BTG4: variants seen among roughly 807,000 people sequenced by gnomAD.
The protein encoded by BTG4 is BTG anti-proliferation factor 4, also known as protein BTG4.
Under a neutral mutation model 19.3 loss-of-function variants are expected in BTG4, and 10 were observed. The observed-to-expected ratio is 0.52, with a 90% confidence interval of 0.32 to 0.88. The LOEUF (loss-of-function observed/expected upper bound fraction) is 0.88, where lower values mean the gene tolerates loss of function less well. BTG4 is among the 40% of genes least tolerant of loss of function. BTG4 has a pLI of 0.04. For missense variants in BTG4, 238 were observed against 281.9 expected (o/e 0.84, Z 1.11); for synonymous variants, 91 against 95.7 (o/e 0.95, Z 0.29).
In BTG4 at chr11:111,480,044, C is replaced by T. The variant is rs139104436; in HGVS notation, c.663-12363G>A. On this transcript the variant is annotated intron_variant, in intron 5 of 5. Transcript: ENST00000356018. ...TAGTCTAGAAACACCAGTTAAGAGA[C>T]AGAAATTGGTAGAGTGAACTAAAAA... 5.2e-3 allele frequency among the ~76,000 whole-genome samples: 786 copies of T among 152,052 alleles called. 7 individuals are homozygous for T. Among genetic ancestry groups the T allele is most frequent in the Middle Eastern group, 0.017 (5 of 294 alleles).
chr11:111,406,866 G>A, the BTG4 span, among the ~76,000 whole-genome samples: 1 of 152,286 alleles, frequency 6.6e-6, no homozygotes, highest in South Asian at 2.1e-4. Flanking sequence ...CAGCCCAGGG[G>A]TGGGTAGCAA....
At chr11:111,493,650 G>A (rs1012907718), downstream of BTG4, among the ~76,000 whole-genome samples, 1 of 152,132 alleles carries the variant, frequency 6.6e-6, no homozygotes, top group South Asian at 2.1e-4. Flanking sequence ...GTTGCCTTGA[G>A]AGAAATCTAG....
chr11:111,427,856 A>C, the BTG4 span, among the ~76,000 whole-genome samples: 2 of 152,174 alleles, frequency 1.3e-5, no homozygotes, highest in East Asian at 3.8e-4. Context: ...GGTTGACTTC[A>C]TAGAATATGA....
At chr11:111,439,462 C>T in the BTG4 span, among the ~76,000 whole-genome samples, 1 of 151,992 alleles carries the variant, frequency 6.6e-6, no homozygotes, top group Non-Finnish European at 1.5e-5. Flanking sequence ...ACTGCTACAA[C>T]CCTTGGCCAG....
the BTG4 span, among the ~76,000 whole-genome samples, chr11:111,452,895 T>C: frequency 0.12 from 17,533 of 152,076 alleles, 1,066 homozygotes; most frequent in Middle Eastern, 0.18. Context: ...ATTAATATAA[T>C]GTGGTCCCTG....
chr11:111,393,023 G>A, the BTG4 span, among the ~76,000 whole-genome samples: 1 of 152,182 alleles, frequency 6.6e-6, no homozygotes, highest in South Asian at 2.1e-4. Context: ...AGAGAGGAGT[G>A]AGAATATGCC....
chr11:111,453,611 G>C, the BTG4 span: 1 of 432,272 alleles, frequency 2.3e-6, no homozygotes, highest in East Asian at 7.2e-5. Context: ...TAGAATCCCA[G>C]AGGCACCCCC....
At chr11:111,494,588 GTCA>G (rs1446556262), downstream of BTG4, among the ~76,000 whole-genome samples, 1 of 152,148 alleles carries the variant, frequency 6.6e-6, no homozygotes, top group Non-Finnish European at 1.5e-5. Flanking sequence ...GGACTGCAGA[GTCA>G]TCAACTTTCC....
the BTG4 span, among the ~76,000 whole-genome samples, chr11:111,399,923 G>A: frequency 6.6e-6 from 1 of 152,094 alleles, no homozygotes; most frequent in African/African-American, 2.4e-5. Flanking sequence ...GGGTATTTGC[G>A]ATCCTGCATC....
chr11:111,445,469 G>C, the BTG4 span, among the ~76,000 whole-genome samples: 4 of 152,030 alleles, frequency 2.6e-5, no homozygotes, highest in East Asian at 7.7e-4. Context: ...ATCTTTCATC[G>C]TGCCCTCCTT....
the BTG4 span, among the ~76,000 whole-genome samples, chr11:111,450,149 G>C: frequency 1.3e-5 from 2 of 152,172 alleles, no homozygotes; most frequent in African/African-American, 4.8e-5. Context: ...CTGTCCAAGA[G>C]GTCATGACTC....
the BTG4 span, chr11:111,458,023 A>G: frequency 1.3e-5 from 2 of 152,742 alleles, no homozygotes; most frequent in African/African-American, 4.8e-5. Context: ...CCAATGTGCT[A>G]GTGGCCCAGA....
chr11:111,453,871 A>G, the BTG4 span, among the ~76,000 whole-genome samples: 4 of 152,342 alleles, frequency 2.6e-5, no homozygotes, highest in South Asian at 8.3e-4. Flanking sequence ...TACTATCTAG[A>G]GGAGCAAGTT....
the BTG4 span, chr11:111,396,992 C>T: frequency 1.3e-5 from 2 of 152,206 alleles, no homozygotes; most frequent in African/African-American, 4.8e-5. Flanking sequence ...AACATATAAA[C>T]TCTGAAGAGA....
At chr11:111,493,786 G>A (rs1046417681), downstream of BTG4, among the ~76,000 whole-genome samples, 1 of 151,984 alleles carries the variant, frequency 6.6e-6, no homozygotes, top group African/African-American at 2.4e-5. Flanking sequence ...ACAAAATAAT[G>A]CTGCTATGTG....
At chr11:111,433,115 A>G in the BTG4 span, among the ~76,000 whole-genome samples, 1 of 152,262 alleles carries the variant, frequency 6.6e-6, no homozygotes. Context: ...AGAATTCATT[A>G]GTAAACCAGC....
chr11:111,445,326 C>CTCCT, the BTG4 span, among the ~76,000 whole-genome samples: 2 of 152,172 alleles, frequency 1.3e-5, no homozygotes, highest in Non-Finnish European at 2.9e-5. Flanking sequence ...GTGGCATTAC[C>CTCCT]TCCTTGAGGC....
intron 4 of BTG4, among the ~76,000 whole-genome samples, chr11:111,495,763 GGAA>G (rs1865687621): frequency 6.6e-6 from 1 of 152,200 alleles, no homozygotes; most frequent in Non-Finnish European, 1.5e-5. Context: ...ATCCCCAAAT[GGAA>G]GAAGACCTTT....
At chr11:111,400,024 G>T in the BTG4 span, among the ~76,000 whole-genome samples, 1 of 152,198 alleles carries the variant, frequency 6.6e-6, no homozygotes, top group African/African-American at 2.4e-5. Flanking sequence ...TGAGGGTGGG[G>T]TGAGGGTGGA....
Sources: gnomAD v4.1 joint callset for allele counts (sites outside exome capture counted in the v4.1 genomes callset) on GRCh38, gnomAD v4.1.1 for gene constraint, MANE v1.5 for transcripts, NCBI Gene and HGNC (gene_info 2026-07-23, HGNC 2026-07-21) for gene names.